The following TENM2 variants were observed in gnomAD, a reference collection of about 807,000 sequenced individuals.
TENM2 encodes the protein teneurin-2.
TENM2 carries 52 observed loss-of-function variants against 245.2 expected under a neutral mutation model. The ratio of observed to expected loss-of-function variants is 0.21; its 90% confidence interval spans 0.17 to 0.27. The LOEUF is 0.27. Ranked by LOEUF, TENM2 falls within the 10% of genes least tolerant of loss-of-function variation. The probability of loss-of-function intolerance (pLI) is 1.00; values close to 1 mark genes in which losing one functional copy is unlikely to be tolerated. For synonymous variants in TENM2, 1,363 were observed against 1,438.9 expected, an observed-to-expected ratio of 0.95 and a Z score of 1.19; for missense variants, 3,046 against 3,666.8, an observed-to-expected ratio of 0.83 and a Z score of 4.37.
chr5:167,230,338 C>T, the TENM2 span, among the ~76,000 whole-genome samples: 1 of 152,322 alleles, frequency 6.6e-6, no homozygotes, highest in South Asian at 2.1e-4. Context: ...TCCTGATTCT[C>T]AGCTGATCCC....
the TENM2 span, among the ~76,000 whole-genome samples, chr5:167,142,406 T>A: frequency 6.6e-6 from 1 of 152,042 alleles, no homozygotes; most frequent in Non-Finnish European, 1.5e-5. Flanking sequence ...GTGCTGTTGT[T>A]CTACTTTATT....
At chr5:167,077,479 C>T in the TENM2 span, among the ~76,000 whole-genome samples, 1 of 152,150 alleles carries the variant, frequency 6.6e-6, no homozygotes, top group Non-Finnish European at 1.5e-5. Flanking sequence ...GTCTTTCAGT[C>T]TGTTACTCCA....
chr5:168,247,755 G>C lies in TENM2; in HGVS notation c.6816G>C (p.Gln2272His), dbSNP rs1248970643. 16 of 1,613,954 alleles carry C rather than the reference G, an allele frequency of 9.9e-6. No homozygotes were observed. Among genetic ancestry groups the C allele is most frequent in the Middle Eastern group, 1.6e-4 (1 of 6,062 alleles). The change falls in exon 27 of 29, where the codon CAG becomes CAC. Residue 2272 changes from glutamine to histidine, a missense_variant. Physicochemically the swap from Gln to His is conservative, Grantham distance 24 (BLOSUM62 0). Coordinates refer to ENST00000518659, the Ensembl canonical transcript of TENM2. The surrounding 1 kb of genome is among the most constrained non-coding windows in gnomAD (Gnocchi z 7.8). Reference sequence around the variant, plus strand: ...TTGACGACGATGGCTATCTGTGCCAGAGAGGGTCTGACATCTTCGAATACA... The same window carrying C: ...TTGACGACGATGGCTATCTGTGCCACAGAGGGTCTGACATCTTCGAATACA...
chr5:167,151,771 C>G, the TENM2 span, among the ~76,000 whole-genome samples: 2 of 152,170 alleles, frequency 1.3e-5, no homozygotes, highest in Admixed American at 6.5e-5. Flanking sequence ...CCCGCCTCGG[C>G]CTCCCAAAAT....
chr5:167,044,466 C>A, the TENM2 span, among the ~76,000 whole-genome samples: 1 of 152,170 alleles, frequency 6.6e-6, no homozygotes, highest in African/African-American at 2.4e-5. Flanking sequence ...ATGAAATATG[C>A]AGCTCCAGTG....
intron 2 of TENM2, among the ~76,000 whole-genome samples, chr5:167,834,946 G>A (rs76177021): frequency 0.019 from 2,856 of 152,232 alleles, 177 homozygotes; most frequent in East Asian, 0.15. Flanking sequence ...CACTGCGCCC[G>A]GCCTTTGTGT....
chr5:167,745,945 A>G (rs1209005602), intron 2 of TENM2, among the ~76,000 whole-genome samples: 1 of 152,202 alleles, frequency 6.6e-6, no homozygotes, highest in African/African-American at 2.4e-5. Flanking sequence ...GGACATTCAC[A>G]TGCATTTCCT....
At chr5:167,090,479 TG>T in the TENM2 span, among the ~76,000 whole-genome samples, 1 of 152,200 alleles carries the variant, frequency 6.6e-6, no homozygotes, top group Admixed American at 6.5e-5. Flanking sequence ...ATCTTTTCAC[TG>T]ATGTATGAGC....
chr5:167,555,335 A>G (rs766095933), intron 2 of TENM2, among the ~76,000 whole-genome samples: 1 of 152,234 alleles, frequency 6.6e-6, no homozygotes, highest in Non-Finnish European at 1.5e-5. Flanking sequence ...CTTTGTGTTT[A>G]ACATTTGAAG....
chr5:167,118,856 T>C, the TENM2 span, among the ~76,000 whole-genome samples: 4 of 152,190 alleles, frequency 2.6e-5, no homozygotes, highest in Non-Finnish European at 4.4e-5. Flanking sequence ...ATCCCCTGTT[T>C]ATTCTTAAGA....
chr5:168,034,721 A>G (rs1787508022), intron 5 of TENM2, among the ~76,000 whole-genome samples: 2 of 152,186 alleles, frequency 1.3e-5, no homozygotes, highest in African/African-American at 4.8e-5. Context: ...GCAGTGAGCT[A>G]TGACTGCACC....
chr5:167,456,710 A>T (rs557907097), intron 2 of TENM2, among the ~76,000 whole-genome samples: 5 of 152,166 alleles, frequency 3.3e-5, no homozygotes, highest in Non-Finnish European at 2.9e-5. Flanking sequence ...ATCTATTTCT[A>T]ATTTCGACTT....
chr5:167,888,909 G>C (rs890468053), intron 3 of TENM2, among the ~76,000 whole-genome samples: 1 of 152,156 alleles, frequency 6.6e-6, no homozygotes, highest in African/African-American at 2.4e-5. Context: ...TTTTCTGCTA[G>C]AGTTATATTT....
At chr5:167,187,678 C>T in the TENM2 span, among the ~76,000 whole-genome samples, 1 of 152,106 alleles carries the variant, frequency 6.6e-6, no homozygotes, top group African/African-American at 2.4e-5. Flanking sequence ...CTCCCTCCTA[C>T]TCCTTGTGTT....
chr5:167,605,302 T>C (rs1384184661), intron 2 of TENM2, among the ~76,000 whole-genome samples: 1 of 152,192 alleles, frequency 6.6e-6, no homozygotes, highest in East Asian at 1.9e-4. Flanking sequence ...TTATATTTAT[T>C]TATTACTGAA....
chr5:167,532,073 T>C (rs1043987753), intron 2 of TENM2, among the ~76,000 whole-genome samples: 1 of 152,128 alleles, frequency 6.6e-6, no homozygotes, highest in Non-Finnish European at 1.5e-5. Flanking sequence ...TCATCTTTAA[T>C]CTCATGGCCA....
intron 8 of TENM2, among the ~76,000 whole-genome samples, chr5:168,094,837 A>G (rs749456532): frequency 6.6e-6 from 1 of 152,120 alleles, no homozygotes; most frequent in Non-Finnish European, 1.5e-5. Flanking sequence ...ATCTTTATTT[A>G]CAGTTGCTCT....
intron 1 of TENM2, among the ~76,000 whole-genome samples, chr5:167,299,895 A>G (rs1467709635): frequency 6.6e-6 from 1 of 152,180 alleles, no homozygotes; most frequent in Admixed American, 6.5e-5. Context: ...CAGAAAGTAT[A>G]TGTGTCAGGT....
At chr5:166,979,887 A>G in the TENM2 span, among the ~76,000 whole-genome samples, 3 of 151,828 alleles carry the variant, frequency 2.0e-5, no homozygotes, top group African/African-American at 7.3e-5. Context: ...TTTTTTTAGG[A>G]TGCATTTTAA....
Sources: allele counts gnomAD v4.1 joint callset (sites outside exome capture counted in the v4.1 genomes callset), GRCh38; gene constraint gnomAD v4.1.1; non-coding constraint Gnocchi (gnomAD v3.1); transcripts MANE v1.5; gene names NCBI Gene and HGNC (gene_info 2026-07-23, HGNC 2026-07-21).